CRYBG1: variants seen among roughly 807,000 people sequenced by gnomAD.
CRYBG1 encodes the protein crystallin beta-gamma domain containing 1.
In CRYBG1, 139 loss-of-function variants were observed where a neutral mutation model predicts 189.2. The ratio of observed to expected loss-of-function variants is 0.73; its 90% confidence interval spans 0.64 to 0.85. CRYBG1 has a LOEUF of 0.85. CRYBG1 is among the 40% of genes least tolerant of loss of function. The probability of loss-of-function intolerance (pLI) is 0.00; values close to 1 mark genes in which losing one functional copy is unlikely to be tolerated. For missense variants in CRYBG1, 2,611 were observed against 2,675.8 expected, an observed-to-expected ratio of 0.98 and a Z score of 0.53; for synonymous variants, 1,023 against 1,017.1, an observed-to-expected ratio of 1.01 and a Z score of -0.11.
In CRYBG1 at chr6:106,558,639, T is replaced by C. The variant is rs940870489; in HGVS notation, c.5855+14T>C. On this transcript the variant is annotated intron_variant, in intron 18 of 21. Coordinates refer to ENST00000633556, the MANE Select transcript of CRYBG1 (RefSeq NM_001371242.2). ...TATTGGTGGCATGTGAGTTACCTACTTGTTGACTCAATAAAATAGATCATT... is the reference window on the plus strand; with the variant it reads ...TATTGGTGGCATGTGAGTTACCTACCTGTTGACTCAATAAAATAGATCATT... 31 of 1,592,732 alleles carry C rather than the reference T, an allele frequency of 1.9e-5. No individual in the cohort carries two copies. Among genetic ancestry groups the C allele is most frequent in the Non-Finnish European group, 2.6e-5 (30 of 1,171,868 alleles).
intron 2 of CRYBG1, among the ~76,000 whole-genome samples, chr6:106,474,015 TG>T (rs1205596651): frequency 6.6e-6 from 1 of 152,152 alleles, no homozygotes; most frequent in Non-Finnish European, 1.5e-5. Flanking sequence ...TGCCAAACTA[TG>T]GCAAACTAAA....
chr6:106,388,703 T>C (rs1770437894), intron 1 of CRYBG1, among the ~76,000 whole-genome samples: 1 of 152,188 alleles, frequency 6.6e-6, no homozygotes. Flanking sequence ...ACTTTATAGG[T>C]TCCAGTTGGC....
At chr6:106,400,810 G>A (rs1483520888) in intron 1 of CRYBG1, among the ~76,000 whole-genome samples, 2 of 152,192 alleles carry the variant, frequency 1.3e-5, no homozygotes, top group Non-Finnish European at 2.9e-5. Flanking sequence ...AGGGTGATCA[G>A]TTCTTTAAAG....
chr6:106,433,876 C>A (rs1771400982), intron 1 of CRYBG1, among the ~76,000 whole-genome samples: 1 of 150,662 alleles, frequency 6.6e-6, no homozygotes, highest in Non-Finnish European at 1.5e-5. Context: ...TGCCATGTAA[C>A]AAATTACCCC....
At chr6:106,518,618 A>G (rs750757693) in intron 3 of CRYBG1, among the ~76,000 whole-genome samples, 3 of 152,118 alleles carry the variant, frequency 2.0e-5, no homozygotes, top group Non-Finnish European at 4.4e-5. Flanking sequence ...CACCCATTAA[A>G]AATAGTTGGT....
chr6:106,376,319 T>G (rs1770162517), intron 1 of CRYBG1, among the ~76,000 whole-genome samples: 1 of 152,238 alleles, frequency 6.6e-6, no homozygotes. Flanking sequence ...TCCCTCTGTG[T>G]AAAACCTTTA....
At chr6:106,456,878 A>G (rs2114446275) in intron 2 of CRYBG1, among the ~76,000 whole-genome samples, 1 of 152,236 alleles carries the variant, frequency 6.6e-6, no homozygotes, top group Non-Finnish European at 1.5e-5. Flanking sequence ...CCTGGGCCAT[A>G]TCTTGTGACT....
At chr6:106,453,136 A>G (rs1276440420) in intron 2 of CRYBG1, among the ~76,000 whole-genome samples, 1 of 152,222 alleles carries the variant, frequency 6.6e-6, no homozygotes, top group Admixed American at 6.5e-5. Context: ...TGATCTGCAT[A>G]GTTCTGTATA....
intron 1 of CRYBG1, among the ~76,000 whole-genome samples, chr6:106,397,321 T>C (rs2114347844): frequency 6.6e-6 from 1 of 152,330 alleles, no homozygotes; most frequent in East Asian, 1.9e-4. Context: ...ATAGTATTGT[T>C]AATTATAGTC....
intron 1 of CRYBG1, among the ~76,000 whole-genome samples, chr6:106,406,720 G>A (rs1036826209): frequency 6.6e-6 from 1 of 152,222 alleles, no homozygotes; most frequent in Admixed American, 6.5e-5. Context: ...AGAGGACAGT[G>A]GAGGCCAATA....
intron 2 of CRYBG1, among the ~76,000 whole-genome samples, chr6:106,461,841 T>C (rs773365188): frequency 6.6e-6 from 1 of 152,136 alleles, no homozygotes; most frequent in Non-Finnish European, 1.5e-5. Context: ...ATGGGTGTGC[T>C]AATAATCGCA....
intron 1 of CRYBG1, among the ~76,000 whole-genome samples, chr6:106,423,666 C>T (rs1187081943): frequency 6.7e-6 from 1 of 149,700 alleles, no homozygotes; most frequent in African/African-American, 2.5e-5. Flanking sequence ...TCTTCTCCTC[C>T]AGCCCTCCAG....
At chr6:106,378,050 C>T (rs1490513384) in intron 1 of CRYBG1, among the ~76,000 whole-genome samples, 2 of 152,136 alleles carry the variant, frequency 1.3e-5, no homozygotes, top group African/African-American at 2.4e-5. Context: ...TTGAGTGGCT[C>T]CCTTGAAGCC....
intron 2 of CRYBG1, among the ~76,000 whole-genome samples, chr6:106,504,029 G>GAAAAAAAAAAAA (rs33971164): frequency 3.4e-5 from 3 of 88,548 alleles, no homozygotes; most frequent in Non-Finnish European, 4.5e-5. Context: ...GACAGCATTA[G>GAAAAAAAAAAAA]AAAAAAAAAA....
chr6:106,560,784 T>A lies in CRYBG1; in HGVS notation c.5856-19T>A. The A allele has an allele frequency of 6.3e-7, 1 of 1,595,020 alleles. No individual in the cohort carries two copies. The highest frequency in any genetic ancestry group is 8.5e-7 in the Non-Finnish European group (1 of 1,172,564). ...GTCAAATGAAAATTGCCACTTACTG[T>A]GGTTATTTTTGTTTTCAGATGGGTT... is the stretch of plus-strand genomic sequence containing the variant. On this transcript the variant is annotated intron_variant, in intron 18 of 21. Transcript: ENST00000633556.
intron 1 of CRYBG1, among the ~76,000 whole-genome samples, chr6:106,426,916 A>C (rs754867589): frequency 6.6e-6 from 1 of 152,156 alleles, no homozygotes; most frequent in Non-Finnish European, 1.5e-5. Context: ...TTCAGTAATT[A>C]ATTCTTAGAC....
chr6:106,399,681 G>A (rs1304804567), intron 1 of CRYBG1, among the ~76,000 whole-genome samples: 2 of 139,794 alleles, frequency 1.4e-5, no homozygotes, highest in African/African-American at 5.4e-5. Flanking sequence ...TCTTGAGACA[G>A]GGTCTCACTC....
intron 1 of CRYBG1, among the ~76,000 whole-genome samples, chr6:106,364,313 G>A (rs1001626765): frequency 1.3e-4 from 19 of 146,876 alleles, no homozygotes; most frequent in African/African-American, 4.3e-4. Context: ...GGCAACAAGA[G>A]TGAAACTCCA....
intron 2 of CRYBG1, among the ~76,000 whole-genome samples, chr6:106,491,721 C>T (rs1397701754): frequency 6.6e-6 from 1 of 152,102 alleles, no homozygotes; most frequent in African/African-American, 2.4e-5. Context: ...GACTCTAGGT[C>T]CTCATCCACT....
Sources: gnomAD v4.1 joint callset for allele counts (sites outside exome capture counted in the v4.1 genomes callset) on GRCh38, gnomAD v4.1.1 for gene constraint, MANE v1.5 for transcripts, NCBI Gene and HGNC (gene_info 2026-07-23, HGNC 2026-07-21) for gene names.